WWOX: variants seen among roughly 807,000 people sequenced by gnomAD.
The protein encoded by WWOX is WW domain containing oxidoreductase, also known as WW domain-containing oxidoreductase.
A neutral mutation model predicts 46.2 loss-of-function variants in WWOX; 69 were observed. The observed-to-expected ratio is 1.49, with a 90% CI of 1.23 to 1.82. The LOEUF is 1.82. WWOX is among the 40% of genes most tolerant of loss of function. WWOX has a pLI of 0.00. For synonymous variants in WWOX, 359 were observed against 202.6 expected (o/e 1.77, Z -6.56); for missense variants, 919 against 542.6 (o/e 1.69, Z -6.89).
intron 8 of WWOX, among the ~76,000 whole-genome samples, chr16:78,837,090 G>C (rs1035772769): frequency 2.6e-5 from 4 of 152,072 alleles, no homozygotes; most frequent in Non-Finnish European, 5.9e-5. Flanking sequence ...GCCCTTTGCT[G>C]CTTAGGGAGG....
chr16:79,128,744 G>A (rs1423336407), intron 8 of WWOX, among the ~76,000 whole-genome samples: 1 of 152,210 alleles, frequency 6.6e-6, no homozygotes, highest in Non-Finnish European at 1.5e-5. Flanking sequence ...GCATTTGTAA[G>A]CCAGTAGGAT....
At chr16:79,095,811 C>T (rs900249429) in intron 8 of WWOX, among the ~76,000 whole-genome samples, 2 of 151,584 alleles carry the variant, frequency 1.3e-5, no homozygotes, top group Non-Finnish European at 2.9e-5. Flanking sequence ...CATACTCCTC[C>T]AGGTTGCCCT....
chr16:78,988,846 G>A (rs2046830683), intron 8 of WWOX, among the ~76,000 whole-genome samples: 1 of 152,138 alleles, frequency 6.6e-6, no homozygotes, highest in South Asian at 2.1e-4. Flanking sequence ...GGGCCAGCAT[G>A]TTGCTGCGAG....
At chr16:78,276,343 TG>T (rs2079577852) in intron 5 of WWOX, among the ~76,000 whole-genome samples, 1 of 152,212 alleles carries the variant, frequency 6.6e-6, no homozygotes, top group African/African-American at 2.4e-5. Flanking sequence ...AGTGTAATGC[TG>T]GGCAGAGAGT....
At chr16:78,427,319 T>A (rs530145505) in intron 7 of WWOX, among the ~76,000 whole-genome samples, 1 of 152,324 alleles carries the variant, frequency 6.6e-6, no homozygotes, top group South Asian at 2.1e-4. Flanking sequence ...TTTTAGTTAC[T>A]TATCTGGAAT....
chr16:79,026,657 G>T (rs1046193304), intron 8 of WWOX, among the ~76,000 whole-genome samples: 1 of 124,824 alleles, frequency 8.0e-6, no homozygotes, highest in Non-Finnish European at 1.6e-5. Flanking sequence ...TCCCTCTGTC[G>T]CCTAGGCTGC....
At chr16:78,857,857 C>A (rs1046572211) in intron 8 of WWOX, among the ~76,000 whole-genome samples, 1 of 151,984 alleles carries the variant, frequency 6.6e-6, no homozygotes, top group South Asian at 2.1e-4. Flanking sequence ...CATTTTTGAC[C>A]GAAATTAAAC....
In WWOX at chr16:78,756,901, T is replaced by C. The variant is rs570123644; in HGVS notation, c.1056+324149T>C. 1.2e-4 allele frequency: 84 copies of C among 703,008 alleles called. No individual in the cohort carries two copies. The East Asian group carries it at 2.0e-3, about 17-fold the overall frequency. The allele number at this position is 703,008 out of a possible 1,614,324, so 43.5% of individuals were successfully genotyped here. On this transcript the variant is annotated intron_variant, in intron 8 of 8. Coordinates refer to ENST00000566780, the MANE Select transcript of WWOX (RefSeq NM_016373.4). ...TTACGAGGCTAGACCATAAAAATAT[T>C]GAGGCTTCTGCCTTACTGATGTGGA... is the stretch of plus-strand genomic sequence containing the variant.
chr16:78,605,597 C>A (rs896769689), intron 8 of WWOX, among the ~76,000 whole-genome samples: 1 of 152,170 alleles, frequency 6.6e-6, no homozygotes, highest in African/African-American at 2.4e-5. Flanking sequence ...CTTTCTAGAG[C>A]AACCTAATTA....
intron 8 of WWOX, among the ~76,000 whole-genome samples, chr16:78,631,834 C>G (rs1429054058): frequency 6.6e-6 from 1 of 152,156 alleles, no homozygotes; most frequent in African/African-American, 2.4e-5. Flanking sequence ...CCAAAATATT[C>G]TTTTCAAAGT....
At chr16:78,550,864 A>G (rs2044156925) in intron 8 of WWOX, 1 of 152,166 alleles carries the variant, frequency 6.6e-6, no homozygotes, top group Non-Finnish European at 1.5e-5. Flanking sequence ...TTTAAGGATT[A>G]AGAAAAAAGG....
At chr16:79,140,902 A>G (rs28670775) in intron 8 of WWOX, among the ~76,000 whole-genome samples, 4,983 of 152,290 alleles carry the variant, frequency 0.033, 310 homozygotes, top group African/African-American at 0.11. Context: ...TCTGTTGGGA[A>G]GGATGCTGAT....
intron 8 of WWOX, among the ~76,000 whole-genome samples, chr16:78,674,203 CAG>C (rs915663268): frequency 2.6e-5 from 4 of 151,392 alleles, no homozygotes; most frequent in African/African-American, 9.7e-5. Flanking sequence ...ACACTTGTGA[CAG>C]AGGGAGGAAC....
intron 8 of WWOX, among the ~76,000 whole-genome samples, chr16:78,855,282 A>G (rs1163436503): frequency 6.6e-6 from 1 of 152,214 alleles, no homozygotes; most frequent in Admixed American, 6.5e-5. Context: ...AAGAATTTAT[A>G]GGAGTCATCT....
chr16:78,496,969 C>T (rs1032769691), intron 8 of WWOX, among the ~76,000 whole-genome samples: 2 of 152,188 alleles, frequency 1.3e-5, no homozygotes, highest in African/African-American at 4.8e-5. Flanking sequence ...ATGCTCAAAT[C>T]AAGGGAGTTA....
intron 8 of WWOX, among the ~76,000 whole-genome samples, chr16:78,494,340 G>C (rs1223151274): frequency 6.6e-6 from 1 of 152,174 alleles, no homozygotes; most frequent in Non-Finnish European, 1.5e-5. Context: ...AATTCAACCT[G>C]AGACGTGGGT....
At chr16:78,884,434 AC>A (rs1222892671) in intron 8 of WWOX, among the ~76,000 whole-genome samples, 4 of 152,146 alleles carry the variant, frequency 2.6e-5, no homozygotes, top group Non-Finnish European at 4.4e-5. Flanking sequence ...CATCTGGTAA[AC>A]CACCCAGATA....
intron 8 of WWOX, among the ~76,000 whole-genome samples, chr16:79,019,260 A>G (rs977497487): frequency 6.6e-6 from 1 of 151,574 alleles, no homozygotes; most frequent in African/African-American, 2.4e-5. Flanking sequence ...TGAGAAATGC[A>G]TGGTTAGGTG....
At chr16:78,691,745 C>A (rs1405946211) in intron 8 of WWOX, among the ~76,000 whole-genome samples, 2 of 152,106 alleles carry the variant, frequency 1.3e-5, no homozygotes, top group South Asian at 2.1e-4. Flanking sequence ...TCTCTCTCTA[C>A]CCTTGCAGTA....
Sources: gnomAD v4.1 joint callset for allele counts (sites outside exome capture counted in the v4.1 genomes callset) on GRCh38, gnomAD v4.1.1 for gene constraint, MANE v1.5 for transcripts, NCBI Gene and HGNC (gene_info 2026-07-23, HGNC 2026-07-21) for gene names.